The following CDKL3 variants were observed in gnomAD, a reference collection of about 807,000 sequenced individuals.
The protein encoded by CDKL3 is cyclin-dependent kinase-like 3.
Under a neutral mutation model 69.3 loss-of-function variants are expected in CDKL3, and 65 were observed. The ratio of observed to expected loss-of-function variants is 0.94; its 90% CI spans 0.77 to 1.15. CDKL3 has a LOEUF of 1.15. CDKL3 is among the 50% of genes most tolerant of loss of function. The pLI, the probability that CDKL3 is intolerant of heterozygous loss-of-function variation, is 0.00. For synonymous variants in CDKL3, 202 were observed against 221.6 expected, an observed-to-expected ratio of 0.91 and a Z score of 0.79; for missense variants, 652 against 689.2, an observed-to-expected ratio of 0.95 and a Z score of 0.61.
chr5:134,315,051 A>T (rs1365334349), intron 6 of CDKL3, among the ~76,000 whole-genome samples: 1 of 152,204 alleles, frequency 6.6e-6, no homozygotes, highest in Non-Finnish European at 1.5e-5. Flanking sequence ...TGTGCCCTAC[A>T]TCAGATATCA....
Position 134,329,405 on chromosome 5 carries a change from G to A in CDKL3, c.540-7502C>T, listed in dbSNP as rs140425623. Among the ~76,000 whole-genome samples, 1,479 of 151,832 alleles carry A rather than the reference G, an allele frequency of 9.7e-3. 13 individuals are homozygous for A. The highest frequency in any genetic ancestry group is 0.032 in the African/African-American group (1,314 of 41,454). The stretch of plus-strand genomic sequence containing the variant: ...AAAGGTAATTATGTAATTATAAAAG[G>A]CAATATAAATGCAGAATTTTCTCTC... On this transcript the variant is annotated intron_variant, in intron 4 of 12. Transcript: ENST00000265334.
chr5:134,319,415 G>T lies in CDKL3; in HGVS notation c.735C>A (p.Pro245=). 6.5e-7 allele frequency: 1 copy of T among 1,538,534 alleles called. No homozygotes were observed. The highest frequency in any genetic ancestry group is 1.2e-5 in the South Asian group (1 of 81,152). The change falls in exon 6 of 13, where the codon CCC becomes CCA. Residue 245 remains proline, a synonymous_variant. Coordinates refer to ENST00000265334, the MANE Select transcript of CDKL3 (RefSeq NM_001113575.2). The stretch of plus-strand genomic sequence containing the variant: ...TTGGATATTTTTTTCTTGCATTTTT[G>T]GGGTGTTGAACTTGAGGAAGAACTA... ...AGVVLPQVQH[P]KNARKKYPKL...
At chr5:134,368,278 T>G (rs1757897071), upstream of CDKL3, among the ~76,000 whole-genome samples, 1 of 152,144 alleles carries the variant, frequency 6.6e-6, no homozygotes, top group Non-Finnish European at 1.5e-5. Flanking sequence ...GGAGAAGTGG[T>G]CATCGTTTTC....
At chr5:134,314,064 A>G (rs1264625572) in intron 6 of CDKL3, among the ~76,000 whole-genome samples, 2 of 152,142 alleles carry the variant, frequency 1.3e-5, no homozygotes, top group Non-Finnish European at 2.9e-5. Context: ...GAATTGCTTG[A>G]ACCCGGGAGA....
downstream of CDKL3, among the ~76,000 whole-genome samples, chr5:134,295,740 C>A (rs1467232046): frequency 6.6e-6 from 1 of 151,890 alleles, no homozygotes; most frequent in Non-Finnish European, 1.5e-5. Context: ...GGTAAAACAC[C>A]AGTTAATCCA....
intron 2 of CDKL3, among the ~76,000 whole-genome samples, chr5:134,363,770 T>A (rs2149664396): frequency 6.6e-6 from 1 of 151,946 alleles, no homozygotes; most frequent in South Asian, 2.1e-4. Flanking sequence ...GTAGAGCCAT[T>A]CTAATAATCC....
At chr5:134,316,248 G>C (rs767233653) in intron 6 of CDKL3, among the ~76,000 whole-genome samples, 1 of 152,010 alleles carries the variant, frequency 6.6e-6, no homozygotes, top group Non-Finnish European at 1.5e-5. Flanking sequence ...CCCTGCCCCC[G>C]GACCACTTCT....
intron 9 of CDKL3, chr5:134,307,891 T>C (rs1768308137): frequency 2.1e-6 from 1 of 468,574 alleles, no homozygotes; most frequent in Non-Finnish European, 3.3e-6. Flanking sequence ...TTTCAAAGGG[T>C]CTTTTTTTTT....
At chr5:134,327,412 G>A (rs1409680552) in intron 4 of CDKL3, among the ~76,000 whole-genome samples, 1 of 152,150 alleles carries the variant, frequency 6.6e-6, no homozygotes, top group Non-Finnish European at 1.5e-5. Flanking sequence ...TCCAGAAACT[G>A]GGCTCAGAGA....
intron 6 of CDKL3, among the ~76,000 whole-genome samples, chr5:134,316,596 C>CA (rs202136942): frequency 0.16 from 19,408 of 121,524 alleles, 1,512 homozygotes; most frequent in African/African-American, 0.25. Context: ...GACTCCATCT[C>CA]AAAAAAAAAA....
In CDKL3 at chr5:134,353,860, A is replaced by C. The variant is rs185940820; in HGVS notation, c.361-3433T>G. Among the ~76,000 whole-genome samples, 11 of 152,192 alleles carry C rather than the reference A, an allele frequency of 7.2e-5. No homozygotes were observed. In the East Asian group the frequency reaches 2.1e-3, roughly 29 times the overall value. The stretch of plus-strand genomic sequence containing the variant: ...GGCGTGAGCCACCGTGCCTAGCCTG[A>C]TCATGTCACTTCTTTGCTTCAAGGA... On this transcript the variant is annotated intron_variant, in intron 3 of 12. Transcript: ENST00000265334.
At chr5:134,307,202 G>A (rs772753098) in intron 9 of CDKL3, among the ~76,000 whole-genome samples, 13 of 152,144 alleles carry the variant, frequency 8.5e-5, no homozygotes, top group Non-Finnish European at 1.8e-4. Flanking sequence ...AACAATTAGT[G>A]CATGTTTACA....
At position 134,350,331 on chromosome 5, in the gene CDKL3, G is replaced by C; in HGVS notation, c.457C>G (p.Pro153Ala). 3.8e-6 allele frequency: 6 copies of C among 1,593,952 alleles called. No individual in the cohort carries two copies. Among genetic ancestry groups the C allele is most frequent in the Non-Finnish European group, 5.1e-6 (6 of 1,169,794 alleles). The change falls in exon 4 of 13, where the codon CCT becomes GCT. Residue 153 changes from proline to alanine, a missense_variant. By Grantham distance (27) the Pro-to-Ala change is conservative. Coordinates refer to ENST00000265334, the MANE Select transcript of CDKL3 (RefSeq NM_001113575.2). Reference sequence around the variant, plus strand: ...ACATAGTCCGTATAAATGTCCCCAGGAGCTGCTAGTGTTCGTGCAAAACCA... The same window carrying C: ...ACATAGTCCGTATAAATGTCCCCAGCAGCTGCTAGTGTTCGTGCAAAACCA... ...DFGFARTLAAPGDIYTDYVAT... is the reference protein window; with the variant it reads ...DFGFARTLAAAGDIYTDYVAT...
At chr5:134,293,211 G>A (rs1286747448) in intron 8 of CDKL3, among the ~76,000 whole-genome samples, 2 of 151,230 alleles carry the variant, frequency 1.3e-5, no homozygotes, top group Non-Finnish European at 2.9e-5. Context: ...GTAGGCACGG[G>A]GTTTCTCCAT....
upstream of CDKL3, chr5:134,371,226 G>A (rs1758369067): frequency 1.6e-5 from 5 of 306,108 alleles, no homozygotes; most frequent in South Asian, 1.7e-4. Flanking sequence ...GACGGGGAGG[G>A]AGACGGGATA....
intron 4 of CDKL3, among the ~76,000 whole-genome samples, chr5:134,332,570 T>C (rs2149526664): frequency 6.6e-6 from 1 of 152,342 alleles, no homozygotes; most frequent in Admixed American, 6.5e-5. Flanking sequence ...CCATTCCTTG[T>C]TTTTGTCAGG....
intron 3 of CDKL3, among the ~76,000 whole-genome samples, chr5:134,353,749 G>A (rs1753873541): frequency 6.6e-6 from 1 of 152,092 alleles, no homozygotes; most frequent in Non-Finnish European, 1.5e-5. Flanking sequence ...TAGTAGAGAT[G>A]GGGTTTCACC....
At chr5:134,365,308 C>T (rs1757148897) in intron 2 of CDKL3, among the ~76,000 whole-genome samples, 1 of 150,604 alleles carries the variant, frequency 6.6e-6, no homozygotes, top group African/African-American at 2.4e-5. Flanking sequence ...TTAGTAGAGA[C>T]GGGGTTTCAC....
At chr5:134,357,512 T>C (rs1405083516) in intron 3 of CDKL3, among the ~76,000 whole-genome samples, 1 of 151,918 alleles carries the variant, frequency 6.6e-6, no homozygotes, top group Admixed American at 6.6e-5. Flanking sequence ...GAGCCTGTAA[T>C]CCCAGCTACT....
Sources: allele counts gnomAD v4.1 joint callset (sites outside exome capture counted in the v4.1 genomes callset), GRCh38; gene constraint gnomAD v4.1.1; transcripts MANE v1.5; gene names NCBI Gene and HGNC (gene_info 2026-07-23, HGNC 2026-07-21).